Variants in MCC observed in about 807,000 individuals in gnomAD.
MCC encodes the protein colorectal mutant cancer protein.
MCC carries 90 observed loss-of-function variants against 116.2 expected under a neutral mutation model. The ratio of observed to expected loss-of-function variants is 0.77; its 90% CI spans 0.65 to 0.92. The LOEUF is 0.92. Ranked by LOEUF, MCC falls within the 40% of genes least tolerant of loss-of-function variation. The pLI is 0.00. For missense variants in MCC, 1,516 were observed against 1,312.2 expected (o/e 1.16, Z -2.40); for synonymous variants, 578 against 510.5 (o/e 1.13, Z -1.78).
At position 113,343,335 on chromosome 5, in the gene MCC, C is replaced by G. The variant is rs1314193753; in HGVS notation, c.416-2605G>C. On this transcript the variant is annotated intron_variant, in intron 2 of 18. Transcript: ENST00000408903. ...GCAGGCAATTCTGTCACTATATTTG[C>G]AATTGCTCCAAGTTTACTTTAATGT... is the stretch of plus-strand genomic sequence containing the variant. Among the ~76,000 whole-genome samples, 8 of 152,306 alleles carry G rather than the reference C, an allele frequency of 5.3e-5. No individual in the cohort carries two copies. The East Asian group carries it at 1.5e-3, about 29-fold the overall frequency.
At chr5:113,270,456 G>C (rs191579633) in intron 3 of MCC, among the ~76,000 whole-genome samples, 14 of 151,536 alleles carry the variant, frequency 9.2e-5, no homozygotes, top group Non-Finnish European at 1.3e-4. Flanking sequence ...TAGGAAAAAA[G>C]AGAACCATAC....
chr5:113,394,600 TC>T (rs1360753094), intron 1 of MCC, among the ~76,000 whole-genome samples: 1 of 152,232 alleles, frequency 6.6e-6, no homozygotes, highest in African/African-American at 2.4e-5. Context: ...CACATGTTTG[TC>T]CCTCTGCTCA....
At chr5:113,095,460 C>A (rs1385180816) in intron 8 of MCC, among the ~76,000 whole-genome samples, 1 of 152,200 alleles carries the variant, frequency 6.6e-6, no homozygotes, top group East Asian at 1.9e-4. Flanking sequence ...CATAAATCAT[C>A]ACCCATCACA....
intron 1 of MCC, among the ~76,000 whole-genome samples, chr5:113,450,721 T>C (rs1317655363): frequency 2.0e-5 from 3 of 152,222 alleles, no homozygotes; most frequent in South Asian, 2.1e-4. Flanking sequence ...GCCTCTTCCA[T>C]GGTACACATG....
At chr5:113,171,292 G>C (rs1228923182) in intron 3 of MCC, among the ~76,000 whole-genome samples, 1 of 151,292 alleles carries the variant, frequency 6.6e-6, no homozygotes, top group Non-Finnish European at 1.5e-5. Context: ...AATGTATTAA[G>C]CTTCAGTCGG....
intron 1 of MCC, chr5:113,433,770 G>A (rs374467859): frequency 6.2e-6 from 10 of 1,613,824 alleles, no homozygotes; most frequent in East Asian, 2.2e-5. Context: ...CTGTTGGGGG[G>A]GCCCTTCCTC....
chr5:113,197,131 T>TG (rs921969484), intron 3 of MCC, among the ~76,000 whole-genome samples: 6 of 152,314 alleles, frequency 3.9e-5, no homozygotes, highest in Non-Finnish European at 7.4e-5. Context: ...TGTGGTGGGC[T>TG]GGGGGGTCCG....
At chr5:113,080,487 G>A (rs148429274) in intron 11 of MCC, among the ~76,000 whole-genome samples, 8,194 of 152,234 alleles carry the variant, frequency 0.054, 279 homozygotes, top group East Asian at 0.11. Context: ...AAAAGGATGA[G>A]TTCATGTCCT....
rs138430437 is a variant in MCC, at chr5:113,330,992, C to A, written c.627+9527G>T. 2.9e-3 allele frequency among the ~76,000 whole-genome samples: 448 copies of A among 152,296 alleles called. 3 individuals carry two copies. The highest frequency in any genetic ancestry group is 0.01 in the African/African-American group (432 of 41,562). ...TTCAGTCCAACAGATTGCCAAAGGG[C>A]AGAAGAAATATTAAAAGTATTTCAC... On this transcript the variant is annotated intron_variant, in intron 3 of 18. Transcript: ENST00000408903.
At chr5:113,247,845 G>A (rs1442927032) in intron 3 of MCC, among the ~76,000 whole-genome samples, 1 of 152,140 alleles carries the variant, frequency 6.6e-6, no homozygotes, top group African/African-American at 2.4e-5. Context: ...GGCAGCAGGG[G>A]AGTGTATGGT....
intron 3 of MCC, among the ~76,000 whole-genome samples, chr5:113,315,560 GCTC>G (rs970886012): frequency 1.7e-4 from 26 of 151,952 alleles, no homozygotes; most frequent in African/African-American, 6.3e-4. Flanking sequence ...CCCTTCATGT[GCTC>G]CTTTTTAAAA....
chr5:113,184,631 A>G (rs1167842161), intron 3 of MCC, among the ~76,000 whole-genome samples: 1 of 151,994 alleles, frequency 6.6e-6, no homozygotes, highest in African/African-American at 2.4e-5. Context: ...CCCAGCTTAT[A>G]GCAGTTTGGT....
intron 8 of MCC, among the ~76,000 whole-genome samples, chr5:113,095,402 T>C (rs1252307495): frequency 2.0e-5 from 3 of 152,352 alleles, no homozygotes; most frequent in East Asian, 3.9e-4. Flanking sequence ...AAGGGTATAA[T>C]AATAGTACCT....
intron 11 of MCC, among the ~76,000 whole-genome samples, chr5:113,073,287 C>A (rs1202021097): frequency 6.6e-6 from 1 of 152,198 alleles, no homozygotes; most frequent in African/African-American, 2.4e-5. Flanking sequence ...CAGCACCACA[C>A]ATGGCGTGCG....
intron 1 of MCC, among the ~76,000 whole-genome samples, chr5:113,466,754 G>A (rs1206273705): frequency 6.6e-6 from 1 of 151,918 alleles, no homozygotes; most frequent in African/African-American, 2.4e-5. Flanking sequence ...CTGAGGAATC[G>A]CCACACTGAC....
intron 17 of MCC, among the ~76,000 whole-genome samples, chr5:113,030,355 G>A (rs1750869582): frequency 6.6e-6 from 1 of 152,124 alleles, no homozygotes; most frequent in Non-Finnish European, 1.5e-5. Context: ...CCATGCTACC[G>A]AAATGCTCTG....
At chr5:113,402,519 A>T (rs1769721660) in intron 1 of MCC, among the ~76,000 whole-genome samples, 1 of 152,144 alleles carries the variant, frequency 6.6e-6, no homozygotes, top group Non-Finnish European at 1.5e-5. Context: ...TGACCACAAT[A>T]AAGTTCTCCT....
At chr5:113,405,500 T>G (rs1301118556) in intron 1 of MCC, among the ~76,000 whole-genome samples, 2 of 152,140 alleles carry the variant, frequency 1.3e-5, no homozygotes, top group Non-Finnish European at 2.9e-5. Flanking sequence ...AGATGAAATA[T>G]GCTGTGGGCC....
chr5:113,273,995 G>A (rs913416284), intron 3 of MCC, among the ~76,000 whole-genome samples: 4 of 152,192 alleles, frequency 2.6e-5, no homozygotes, highest in African/African-American at 7.2e-5. Flanking sequence ...GGGAAAGAGA[G>A]GGCTTCGCCT....
Sources: gnomAD v4.1 joint callset for allele counts (sites outside exome capture counted in the v4.1 genomes callset) on GRCh38, gnomAD v4.1.1 for gene constraint, MANE v1.5 for transcripts, NCBI Gene and HGNC (gene_info 2026-07-23, HGNC 2026-07-21) for gene names.